ZSCAN5B: variants seen among roughly 807,000 people sequenced by gnomAD.
ZSCAN5B encodes the protein zinc finger and SCAN domain containing 5B.
Under a neutral mutation model 25.2 loss-of-function variants are expected in ZSCAN5B, and 26 were observed. The observed-to-expected ratio is 1.03, with a 90% confidence interval of 0.76 to 1.43. ZSCAN5B has a LOEUF of 1.43. ZSCAN5B is among the 40% of genes most tolerant of loss of function. The pLI, the probability that ZSCAN5B is intolerant of heterozygous loss-of-function variation, is 0.00. For missense variants in ZSCAN5B, 745 were observed against 622.1 expected (o/e 1.20, Z -2.10); for synonymous variants, 244 against 240.9 (o/e 1.01, Z -0.12).
At chr19:56,189,748 T>C in exon 5 of ZSCAN5B, 1 of 1,498,484 alleles carries the variant, frequency 6.7e-7, no homozygotes, top group Non-Finnish European at 9.0e-7. Context: ...GCTTTATGTG[T>C]ATATGTCATC....
exon 2 of ZSCAN5B, chr19:56,192,858 G>C (rs2032756704): frequency 6.2e-7 from 1 of 1,613,916 alleles, no homozygotes; most frequent in Admixed American, 1.7e-5. Flanking sequence ...ACAGCTCAGT[G>C]AGTTTCCTCA....
exon 3 of ZSCAN5B, chr19:56,191,958 G>C: frequency 6.2e-7 from 1 of 1,613,972 alleles, no homozygotes; most frequent in Non-Finnish European, 8.5e-7. Flanking sequence ...GGCTGGACAC[G>C]TCTCTCGGAT....
intron 1 of ZSCAN5B, among the ~76,000 whole-genome samples, chr19:56,196,421 T>C (rs1386077770): frequency 1.3e-5 from 2 of 152,142 alleles, no homozygotes; most frequent in Non-Finnish European, 2.9e-5. Flanking sequence ...ATGGTGACTA[T>C]AGTTCACAGC....
exon 1 of ZSCAN5B, chr19:56,197,765 G>A (rs950661812): frequency 3.0e-6 from 3 of 985,208 alleles, no homozygotes; most frequent in African/African-American, 1.7e-5. Context: ...CGACCTTCTC[G>A]GTCTGGGATG....
At chr19:56,192,001 T>G in exon 3 of ZSCAN5B, 1 of 1,613,914 alleles carries the variant, frequency 6.2e-7, no homozygotes, top group Non-Finnish European at 8.5e-7. Context: ...TTCAGCCATC[T>G]CGACATCTGA....
At chr19:56,194,639 G>C (rs1237158930) in intron 1 of ZSCAN5B, among the ~76,000 whole-genome samples, 1 of 151,866 alleles carries the variant, frequency 6.6e-6, no homozygotes, top group Non-Finnish European at 1.5e-5. Flanking sequence ...GTTTTTTGAG[G>C]TGGAGTTTCG....
chr19:56,196,107 C>A (rs1328102919), intron 1 of ZSCAN5B, among the ~76,000 whole-genome samples: 2 of 152,144 alleles, frequency 1.3e-5, no homozygotes, highest in Admixed American at 6.5e-5. Flanking sequence ...GGCTGCAGTG[C>A]AGTGGCCGAT....
chr19:56,191,579 T>C (rs2032733588), intron 3 of ZSCAN5B, among the ~76,000 whole-genome samples: 1 of 152,302 alleles, frequency 6.6e-6, no homozygotes, highest in South Asian at 2.1e-4. Flanking sequence ...AGTTCATTCA[T>C]CTGTGCCAAC....
At chr19:56,197,758 C>T (rs1255133357) in exon 1 of ZSCAN5B, 2 of 985,446 alleles carry the variant, frequency 2.0e-6, no homozygotes, top group Non-Finnish European at 2.4e-6. Flanking sequence ...CTGCCTCCGA[C>T]CTTCTCGGTC....
chr19:56,190,005 C>G (rs768246770), exon 5 of ZSCAN5B: 1 of 1,613,958 alleles, frequency 6.2e-7, no homozygotes, highest in Non-Finnish European at 8.5e-7. Flanking sequence ...TTTAAACGGC[C>G]TCTCCCCGGT....
chr19:56,197,735 T>C (rs1241950322), exon 1 of ZSCAN5B: 7 of 985,116 alleles, frequency 7.1e-6, no homozygotes, highest in African/African-American at 1.7e-5. Context: ...GACACTCACC[T>C]CCTTCCCGGC....
At chr19:56,190,567 T>C (rs373310586) in exon 5 of ZSCAN5B, 6 of 1,611,042 alleles carry the variant, frequency 3.7e-6, no homozygotes, top group Non-Finnish European at 5.1e-6. Context: ...TCCTTTGCTC[T>C]CACCAGATCT....
exon 5 of ZSCAN5B, chr19:56,190,264 C>A: frequency 6.2e-7 from 1 of 1,614,174 alleles, no homozygotes; most frequent in Non-Finnish European, 8.5e-7. Context: ...GGCGGCAGGG[C>A]CTTGGCTTCT....
chr19:56,190,938 T>C (rs1397130460), exon 4 of ZSCAN5B: 1 of 1,614,062 alleles, frequency 6.2e-7, no homozygotes, highest in South Asian at 1.1e-5. Flanking sequence ...TCTCGGAGAG[T>C]TTGGGTCACC....
intron 1 of ZSCAN5B, among the ~76,000 whole-genome samples, chr19:56,195,332 T>A (rs947868473): frequency 6.6e-6 from 1 of 151,038 alleles, no homozygotes; most frequent in Non-Finnish European, 1.5e-5. Flanking sequence ...TTAAGGCGCC[T>A]GTGTGGACAT....
intron 3 of ZSCAN5B, 129 bp from the exon 4 acceptor site, chr19:56,191,116 C>T (rs2032726621): frequency 2.4e-6 from 3 of 1,263,776 alleles, no homozygotes; most frequent in Non-Finnish European, 2.2e-6. Flanking sequence ...GTAAACATCA[C>T]CACCTCATTT....
chr19:56,194,523 G>A (rs1274779036), intron 1 of ZSCAN5B, among the ~76,000 whole-genome samples: 1 of 151,998 alleles, frequency 6.6e-6, no homozygotes, highest in African/African-American at 2.4e-5. Context: ...CTCAAACTCT[G>A]GGCTCAAGCG....
rs1378010342 is a variant in ZSCAN5B at position 56,192,058 on chromosome 19, A to G, written c.385-5T>C. On this transcript the variant is annotated splice_polypyrimidine_tract_variant and splice_region_variant and intron_variant, in intron 2 of 4. Coordinates refer to ENST00000586855, the Ensembl canonical transcript of ZSCAN5B. ...GCCGAGCAAGTTGACTATAGACTGT[A>G]GAGAGAAAAAAGACAATCAGACACT... The G allele has an allele frequency of 1.3e-5, 21 of 1,607,428 alleles. No homozygotes were observed. The highest frequency in any genetic ancestry group is 3.3e-5 in the South Asian group (3 of 90,000).
chr19:56,191,287 C>T (rs947383367), intron 3 of ZSCAN5B, among the ~76,000 whole-genome samples: 3 of 152,188 alleles, frequency 2.0e-5, no homozygotes, highest in African/African-American at 7.2e-5. Flanking sequence ...GCCCCTAACC[C>T]CTGGCACCAT....
Sources: gnomAD v4.1 joint callset for allele counts (sites outside exome capture counted in the v4.1 genomes callset) on GRCh38, gnomAD v4.1.1 for gene constraint, MANE v1.5 for transcripts, NCBI Gene and HGNC (gene_info 2026-07-23, HGNC 2026-07-21) for gene names.